The following PLCH1 variants were observed in gnomAD, a reference collection of about 807,000 sequenced individuals.
The protein encoded by PLCH1 is phospholipase C eta 1, also known as 1-phosphatidylinositol 4,5-bisphosphate phosphodiesterase eta-1.
A neutral mutation model predicts 126.7 loss-of-function variants in PLCH1; 60 were observed. The ratio of observed to expected loss-of-function variants is 0.47; its 90% confidence interval spans 0.38 to 0.59. The LOEUF (loss-of-function observed/expected upper bound fraction) is 0.59, where lower values mean the gene tolerates loss of function less well. PLCH1 is among the 20% of genes least tolerant of loss of function. PLCH1 has a pLI of 0.00. For synonymous variants in PLCH1, 719 were observed against 734.9 expected (o/e 0.98, Z 0.35); for missense variants, 1,723 against 2,040.0 (o/e 0.84, Z 2.99).
chr3:155,603,042 G>T (rs545780892), intron 2 of PLCH1, among the ~76,000 whole-genome samples: 1 of 152,038 alleles, frequency 6.6e-6, no homozygotes, highest in African/African-American at 2.4e-5. Context: ...ATGACCATTC[G>T]CCGAGATTAG....
intron 2 of PLCH1, among the ~76,000 whole-genome samples, chr3:155,669,181 G>A (rs1459237831): frequency 6.6e-6 from 1 of 151,674 alleles, no homozygotes; most frequent in Non-Finnish European, 1.5e-5. Context: ...TACATTTGTG[G>A]TCAAAAACAG....
intron 17 of PLCH1, 99 bp from the exon 18 acceptor site, chr3:155,492,952 G>A (rs1382166748): frequency 1.6e-5 from 16 of 1,010,598 alleles, no homozygotes; most frequent in Non-Finnish European, 2.1e-5. Flanking sequence ...AAAAACAAAT[G>A]CTGAATTACA....
chr3:155,508,595 G>C (rs2108194374), intron 12 of PLCH1, among the ~76,000 whole-genome samples: 1 of 137,736 alleles, frequency 7.3e-6, no homozygotes, highest in South Asian at 2.5e-4. Flanking sequence ...GGCTTTTTCT[G>C]CATCTATTGA....
At chr3:155,703,821 G>A (rs1317949913) in intron 2 of PLCH1, among the ~76,000 whole-genome samples, 1 of 152,110 alleles carries the variant, frequency 6.6e-6, no homozygotes, top group Non-Finnish European at 1.5e-5. Flanking sequence ...ACAATTATAT[G>A]GCCCTCACCC....
chr3:155,478,273 G>A (rs1331503681), downstream of PLCH1, among the ~76,000 whole-genome samples: 1 of 152,008 alleles, frequency 6.6e-6, no homozygotes, highest in African/African-American at 2.4e-5. Flanking sequence ...GGAGTAGGGA[G>A]GTGAAGATGG....
chr3:155,680,926 A>G (rs1191438601), intron 2 of PLCH1, among the ~76,000 whole-genome samples: 1 of 152,164 alleles, frequency 6.6e-6, no homozygotes, highest in Non-Finnish European at 1.5e-5. Flanking sequence ...AGAATGTTTG[A>G]CATACTAAGT....
At chr3:155,589,167 A>T (rs753429010) in intron 4 of PLCH1, among the ~76,000 whole-genome samples, 6 of 152,168 alleles carry the variant, frequency 3.9e-5, no homozygotes, top group Non-Finnish European at 7.3e-5. Context: ...GCATTGAATG[A>T]TCCTATCTAG....
At chr3:155,727,874 A>G (rs1206727697) in intron 1 of PLCH1, among the ~76,000 whole-genome samples, 3 of 151,836 alleles carry the variant, frequency 2.0e-5, no homozygotes, top group Non-Finnish European at 4.4e-5. Context: ...TAAGTTAGAA[A>G]GAAAATACGG....
chr3:155,539,739 A>C (rs913049616), intron 10 of PLCH1, among the ~76,000 whole-genome samples: 4 of 152,210 alleles, frequency 2.6e-5, no homozygotes, highest in Non-Finnish European at 4.4e-5. Flanking sequence ...GAAATCATAG[A>C]TGACACAAAC....
At chr3:155,718,050 G>A (rs915805399) in intron 1 of PLCH1, among the ~76,000 whole-genome samples, 3 of 152,082 alleles carry the variant, frequency 2.0e-5, no homozygotes, top group African/African-American at 7.2e-5. Flanking sequence ...GAACAATACT[G>A]CCCAGAAATT....
intron 21 of PLCH1, among the ~76,000 whole-genome samples, chr3:155,465,987 A>G (rs1173378961): frequency 6.6e-6 from 1 of 152,128 alleles, no homozygotes; most frequent in East Asian, 1.9e-4. Flanking sequence ...CACCGGATAG[A>G]TTTCTGAGGT....
Position 155,587,582 on chromosome 3 carries a change from G to C in PLCH1, c.471-1388C>G, listed in dbSNP as rs563133120. On this transcript the variant is annotated intron_variant, in intron 4 of 22. Transcript: ENST00000460012. ...TAATTGGCCCAAATTTCTAAATCAC[G>C]GGCAGGTAATGTGAAGTACAAACAT... Among the ~76,000 whole-genome samples, 3 of 152,268 alleles carry C rather than the reference G, an allele frequency of 2.0e-5. No homozygotes were observed. The South Asian group carries it at 6.2e-4, about 31-fold the overall frequency.
At chr3:155,692,459 A>ATGG (rs1553758577) in intron 2 of PLCH1, among the ~76,000 whole-genome samples, 4 of 151,644 alleles carry the variant, frequency 2.6e-5, no homozygotes, top group East Asian at 1.9e-4. Flanking sequence ...TGAATGAATG[A>ATGG]ATGGATGGAT....
At chr3:155,534,127 T>C (rs1477943748) in intron 10 of PLCH1, among the ~76,000 whole-genome samples, 1 of 152,020 alleles carries the variant, frequency 6.6e-6, no homozygotes. Flanking sequence ...CCCAGAATGA[T>C]AGATCCACTG....
intron 10 of PLCH1, among the ~76,000 whole-genome samples, chr3:155,545,214 T>G (rs1302570734): frequency 6.7e-6 from 1 of 149,798 alleles, no homozygotes; most frequent in Non-Finnish European, 1.5e-5. Flanking sequence ...ATATCACCAC[T>G]GATCCCACAG....
chr3:155,726,878 C>CTTT (rs201977097), intron 1 of PLCH1, among the ~76,000 whole-genome samples: 13 of 133,128 alleles, frequency 9.8e-5, no homozygotes, highest in African/African-American at 3.0e-4. Flanking sequence ...TTTCTTTTTT[C>CTTT]TTTTTTTTTT....
chr3:155,675,872 TAATA>T, intron 2 of PLCH1: 1 of 567,322 alleles, frequency 1.8e-6, no homozygotes, highest in African/African-American at 2.0e-5. Flanking sequence ...TACTGAAATA[TAATA>T]AATATGTTCT....
At chr3:155,452,642 G>C (rs1461816126) in intron 21 of PLCH1, among the ~76,000 whole-genome samples, 1 of 152,110 alleles carries the variant, frequency 6.6e-6, no homozygotes, top group Admixed American at 6.5e-5. Flanking sequence ...AGTACAAGAA[G>C]GAAGGAGCTG....
chr3:155,565,750 C>CAATG (rs1354134270), intron 7 of PLCH1, among the ~76,000 whole-genome samples: 3 of 148,884 alleles, frequency 2.0e-5, no homozygotes. Context: ...GGCTGGAGTG[C>CAATG]AATGGCACGA....
Sources: allele counts gnomAD v4.1 joint callset (sites outside exome capture counted in the v4.1 genomes callset), GRCh38; gene constraint gnomAD v4.1.1; transcripts MANE v1.5; gene names NCBI Gene and HGNC (gene_info 2026-07-23, HGNC 2026-07-21).